The following COMMD10 variants were observed in gnomAD, a reference collection of about 807,000 sequenced individuals.
The protein encoded by COMMD10 is COMM domain-containing protein 10.
A neutral mutation model predicts 28.9 loss-of-function variants in COMMD10; 33 were observed. The ratio of observed to expected loss-of-function variants is 1.14; its 90% CI spans 0.87 to 1.53. The LOEUF (loss-of-function observed/expected upper bound fraction) is 1.53, where lower values mean the gene tolerates loss of function less well. COMMD10 is among the 40% of genes most tolerant of loss of function. COMMD10 has a pLI of 0.00. For synonymous variants in COMMD10, 110 were observed against 81.7 expected (o/e 1.35, Z -1.87); for missense variants, 310 against 233.4 (o/e 1.33, Z -2.14).
intron 4 of COMMD10, among the ~76,000 whole-genome samples, chr5:116,108,093 T>G (rs1318344302): frequency 3.9e-5 from 6 of 152,200 alleles, no homozygotes; most frequent in African/African-American, 1.4e-4. Context: ...AGCTCTCCTG[T>G]ATGAGGTGTC....
intron 5 of COMMD10, among the ~76,000 whole-genome samples, chr5:116,211,392 G>A (rs150657898): frequency 2.6e-5 from 4 of 152,150 alleles, no homozygotes; most frequent in African/African-American, 9.6e-5. Flanking sequence ...AATACTATAG[G>A]CAATTGTAAA....
chr5:116,211,287 A>G (rs1359893922), intron 5 of COMMD10, among the ~76,000 whole-genome samples: 2 of 152,170 alleles, frequency 1.3e-5, no homozygotes, highest in East Asian at 1.9e-4. Context: ...GTATACTTAC[A>G]CAAACCTAGA....
At chr5:116,215,370 G>A (rs1022025259) in intron 5 of COMMD10, among the ~76,000 whole-genome samples, 1 of 151,722 alleles carries the variant, frequency 6.6e-6, no homozygotes, top group African/African-American at 2.4e-5. Context: ...ATTTAGTGAG[G>A]GAGTCATTAC....
At chr5:116,177,327 G>T (rs1753548893) in intron 5 of COMMD10, among the ~76,000 whole-genome samples, 1 of 152,094 alleles carries the variant, frequency 6.6e-6, no homozygotes, top group South Asian at 2.1e-4. Context: ...TAAAATACAT[G>T]TAAATGTAAA....
chr5:116,125,588 T>A (rs925627381), intron 4 of COMMD10, among the ~76,000 whole-genome samples: 1 of 152,142 alleles, frequency 6.6e-6, no homozygotes, highest in Non-Finnish European at 1.5e-5. Context: ...TGAATTTGAA[T>A]GTTGGTCTGC....
chr5:116,237,129 A>C (rs148420977), intron 5 of COMMD10, among the ~76,000 whole-genome samples: 2 of 152,106 alleles, frequency 1.3e-5, no homozygotes, highest in African/African-American at 4.8e-5. Context: ...GGCAGAGGAT[A>C]TAACTAGTAC....
At chr5:116,095,264 A>G (rs72804814) in intron 4 of COMMD10, among the ~76,000 whole-genome samples, 8,192 of 152,172 alleles carry the variant, frequency 0.054, 307 homozygotes, top group East Asian at 0.15. Flanking sequence ...GTCTATGCAT[A>G]TAAGAAAATA....
intron 5 of COMMD10, among the ~76,000 whole-genome samples, chr5:116,169,300 T>G (rs768357313): frequency 3.9e-5 from 6 of 152,062 alleles, no homozygotes; most frequent in Non-Finnish European, 7.4e-5. Flanking sequence ...AAACCAGGAA[T>G]AAGATGAATC....
At chr5:116,123,291 T>G (rs1322016458) in intron 4 of COMMD10, among the ~76,000 whole-genome samples, 1 of 152,170 alleles carries the variant, frequency 6.6e-6, no homozygotes, top group Non-Finnish European at 1.5e-5. Context: ...GCTGTTGAAT[T>G]TTGTCGAAGG....
chr5:116,108,683 C>T (rs1392399524), intron 4 of COMMD10, among the ~76,000 whole-genome samples: 2 of 152,118 alleles, frequency 1.3e-5, no homozygotes, highest in Non-Finnish European at 2.9e-5. Flanking sequence ...GCCCCCTTTC[C>T]AGGAGAGTGA....
intron 5 of COMMD10, among the ~76,000 whole-genome samples, chr5:116,228,905 A>G (rs934414540): frequency 6.6e-6 from 1 of 151,982 alleles, no homozygotes; most frequent in Non-Finnish European, 1.5e-5. Flanking sequence ...TGTAGTTGAA[A>G]ACTTAGTGTG....
chr5:116,135,187 G>A (rs569446157), intron 5 of COMMD10, among the ~76,000 whole-genome samples: 32 of 152,224 alleles, frequency 2.1e-4, no homozygotes, highest in African/African-American at 6.5e-4. Context: ...TGAGAATGAG[G>A]TATTAGAGAA....
intron 5 of COMMD10, among the ~76,000 whole-genome samples, chr5:116,283,702 G>A (rs1029700326): frequency 2.0e-5 from 3 of 151,440 alleles, no homozygotes; most frequent in African/African-American, 7.3e-5. Flanking sequence ...TCTGATCAAT[G>A]TTTCGTATTA....
At chr5:116,120,419 G>A (rs527774741) in intron 4 of COMMD10, among the ~76,000 whole-genome samples, 253 of 152,052 alleles carry the variant, frequency 1.7e-3, no homozygotes, top group Middle Eastern at 3.4e-3. Flanking sequence ...TTCGGTGACG[G>A]TTGCACTAAA....
intron 5 of COMMD10, among the ~76,000 whole-genome samples, chr5:116,282,060 T>TA (rs1475329903): frequency 2.0e-5 from 3 of 151,958 alleles, no homozygotes; most frequent in Non-Finnish European, 4.4e-5. Context: ...ATCTTGCAGA[T>TA]ATATCAAGCT....
intron 4 of COMMD10, among the ~76,000 whole-genome samples, chr5:116,103,002 C>A (rs1419206114): frequency 2.6e-5 from 4 of 152,136 alleles, no homozygotes; most frequent in Non-Finnish European, 5.9e-5. Flanking sequence ...TGAACTCATC[C>A]TTTTTTATGC....
intron 5 of COMMD10, among the ~76,000 whole-genome samples, chr5:116,211,775 C>A (rs1000176732): frequency 5.9e-5 from 9 of 152,132 alleles, no homozygotes; most frequent in African/African-American, 2.2e-4. Flanking sequence ...CTCATACACA[C>A]ACATGCACAC....
chr5:116,278,928 A>G (rs765561004), intron 5 of COMMD10, among the ~76,000 whole-genome samples: 1 of 151,872 alleles, frequency 6.6e-6, no homozygotes, highest in Non-Finnish European at 1.5e-5. Flanking sequence ...TAATTAGAAA[A>G]TATTGAAATC....
intron 5 of COMMD10, among the ~76,000 whole-genome samples, chr5:116,242,971 T>G (rs1440540852): frequency 5.3e-5 from 8 of 152,224 alleles, no homozygotes; most frequent in Non-Finnish European, 1.2e-4. Context: ...TGAAAGTGCT[T>G]AAATTTTCAA....
Sources: allele counts gnomAD v4.1 joint callset (sites outside exome capture counted in the v4.1 genomes callset), GRCh38; gene constraint gnomAD v4.1.1; transcripts MANE v1.5; gene names NCBI Gene and HGNC (gene_info 2026-07-23, HGNC 2026-07-21).